Variants in MTFR1 observed in about 807,000 individuals in gnomAD.
MTFR1 encodes mitochondrial fission regulator 1, also known as chondrocyte protein with a poly-proline region.
Under a neutral mutation model 38.8 loss-of-function variants are expected in MTFR1, and 28 were observed. The ratio of observed to expected loss-of-function variants is 0.72; its 90% confidence interval spans 0.53 to 0.99. MTFR1 has a LOEUF of 0.99. Ranked by LOEUF, MTFR1 falls within the 50% of genes least tolerant of loss-of-function variation. MTFR1 has a pLI of 0.00. For synonymous variants in MTFR1, 145 were observed against 137.0 expected, an observed-to-expected ratio of 1.06 and a Z score of -0.41; for missense variants, 358 against 395.5, an observed-to-expected ratio of 0.91 and a Z score of 0.81.
In MTFR1 at chr8:65,704,727, T is replaced by A. The variant is rs1416378398; in HGVS notation, c.315T>A (p.Asp105Glu). Residue 105 changes from aspartate (D) to glutamate (E), a missense_variant, in exon 5 of 8, where the codon GAT becomes GAA. Coordinates refer to ENST00000262146, the MANE Select transcript of MTFR1 (RefSeq NM_014637.4). ...TCAGATCAAGGCCACCCCTTCAGGA[T>A]GACCTTCTTTTCTTTGAGAAGGCCC... ...TEVRSRPPLQDDLLFFEKAPS... is the reference protein window; with the variant it reads ...TEVRSRPPLQEDLLFFEKAPS... The A allele has an allele frequency of 6.2e-7, 1 of 1,614,146 alleles. No individual in the cohort carries two copies. The highest frequency in any genetic ancestry group is 8.5e-7 in the Non-Finnish European group (1 of 1,180,008).
intron 4 of MTFR1, among the ~76,000 whole-genome samples, chr8:65,700,621 A>G (rs1413103406): frequency 2.6e-5 from 4 of 152,296 alleles, no homozygotes; most frequent in Non-Finnish European, 4.4e-5. Flanking sequence ...AGGAGAACGT[A>G]TAGTCTGTGA....
chr8:65,755,149 T>G (rs1032889422), intron 3 of MTFR1, among the ~76,000 whole-genome samples: 1 of 150,624 alleles, frequency 6.6e-6, no homozygotes, highest in African/African-American at 2.4e-5. Context: ...GCCTCCCAAG[T>G]AGCTGGGACT....
intron 2 of MTFR1, chr8:65,719,067 G>A (rs1806265264): frequency 3.6e-6 from 2 of 561,088 alleles, no homozygotes; most frequent in Non-Finnish European, 6.4e-6. Flanking sequence ...GCATATTCAA[G>A]GTTTCACATG....
At chr8:65,649,333 C>T (rs1220314577) in intron 1 of MTFR1, among the ~76,000 whole-genome samples, 1 of 151,980 alleles carries the variant, frequency 6.6e-6, no homozygotes, top group Non-Finnish European at 1.5e-5. Flanking sequence ...TACAGGACCC[C>T]GCCACCACGA....
chr8:65,752,856 T>C (rs1480975344), intron 3 of MTFR1, among the ~76,000 whole-genome samples: 2 of 152,346 alleles, frequency 1.3e-5, no homozygotes, highest in African/African-American at 4.8e-5. Flanking sequence ...TTTGCTTTTC[T>C]CATTTCTATC....
At chr8:65,730,167 A>ACTG (rs1806797375) in intron 3 of MTFR1, among the ~76,000 whole-genome samples, 1 of 29,172 alleles carries the variant, frequency 3.4e-5, no homozygotes, top group Non-Finnish European at 6.7e-5. Flanking sequence ...CAGGTTGCGC[A>ACTG]CTTCTTTTTT....
At chr8:65,744,199 T>C (rs573651409) in intron 3 of MTFR1, among the ~76,000 whole-genome samples, 3 of 151,264 alleles carry the variant, frequency 2.0e-5, no homozygotes, top group African/African-American at 2.4e-5. Flanking sequence ...AAGAGATGCT[T>C]AGTTGTGTTA....
At chr8:65,730,876 T>C (rs997054478) in intron 3 of MTFR1, among the ~76,000 whole-genome samples, 2 of 152,210 alleles carry the variant, frequency 1.3e-5, no homozygotes, top group African/African-American at 4.8e-5. Context: ...TGAGCTAAGA[T>C]TGTGCCACTG....
At chr8:65,746,973 T>C (rs560237905) in intron 3 of MTFR1, among the ~76,000 whole-genome samples, 1 of 152,346 alleles carries the variant, frequency 6.6e-6, no homozygotes, top group South Asian at 2.1e-4. Context: ...AAATTTAATA[T>C]TATTTAAAAT....
At position 65,756,110 on chromosome 8, in the gene MTFR1, G is replaced by T. The variant is rs538798784; in HGVS notation, c.*49-14837G>T. Among the ~76,000 whole-genome samples the T allele has an allele frequency of 2.1e-4, 32 of 152,294 alleles. No homozygotes were observed. The East Asian group carries it at 5.8e-3, about 27-fold the overall frequency. ...AGTTTATTCCCTTCTGGCCACCAAG[G>T]TTCTTAATGAGAAATCAGCTATTAA... On this transcript the variant is annotated intron_variant, in intron 3 of 3. Transcript: ENST00000521247.
chr8:65,686,156 TA>T (rs751767053), intron 3 of MTFR1, among the ~76,000 whole-genome samples: 3 of 152,228 alleles, frequency 2.0e-5, no homozygotes, highest in Non-Finnish European at 4.4e-5. Context: ...TAATTTGGAA[TA>T]TGCTAGCATG....
At chr8:65,744,552 C>T (rs533145901) in intron 3 of MTFR1, among the ~76,000 whole-genome samples, 1 of 152,194 alleles carries the variant, frequency 6.6e-6, no homozygotes, top group Admixed American at 6.5e-5. Context: ...GGGCATTTTC[C>T]CCCAAACCAC....
At chr8:65,668,488 T>C (rs1429790860) in intron 1 of MTFR1, among the ~76,000 whole-genome samples, 1 of 150,552 alleles carries the variant, frequency 6.6e-6, no homozygotes, top group African/African-American at 2.4e-5. Context: ...GCACCCAGCC[T>C]TTAAGGAAGA....
intron 4 of MTFR1, among the ~76,000 whole-genome samples, chr8:65,701,629 T>C (rs1805614285): frequency 1.3e-5 from 2 of 152,202 alleles, no homozygotes; most frequent in South Asian, 4.1e-4. Flanking sequence ...ATGAGGAAGA[T>C]GAACATACTT....
rs149280177 is a variant in MTFR1, at chr8:65,696,912, C to T, written c.281+3153C>T. Among the ~76,000 whole-genome samples the T allele has an allele frequency of 9.4e-3, 1,424 of 150,772 alleles. 24 individuals are homozygous for T. The highest frequency in any genetic ancestry group is 0.033 in the African/African-American group (1,360 of 41,074). Reference sequence around the variant, plus strand: ...CTGACCTCAAGTAATTCATCTGCCTCGGCTTCCCAAAGTGCTGGGATTACA... The same window carrying T: ...CTGACCTCAAGTAATTCATCTGCCTTGGCTTCCCAAAGTGCTGGGATTACA... On this transcript the variant is annotated intron_variant, in intron 4 of 7. Coordinates refer to ENST00000262146, the MANE Select transcript of MTFR1 (RefSeq NM_014637.4).
intron 4 of MTFR1, among the ~76,000 whole-genome samples, chr8:65,701,464 C>T (rs569674872): frequency 2.0e-5 from 3 of 152,242 alleles, no homozygotes; most frequent in Admixed American, 1.3e-4. Context: ...TTAATTTGTT[C>T]ATTCTATATT....
At chr8:65,736,555 C>A (rs562296394) in intron 3 of MTFR1, among the ~76,000 whole-genome samples, 1 of 152,070 alleles carries the variant, frequency 6.6e-6, no homozygotes, top group East Asian at 1.9e-4. Flanking sequence ...GAGTTTGAGA[C>A]CAGCCTAGGC....
intron 3 of MTFR1, among the ~76,000 whole-genome samples, chr8:65,735,208 A>G (rs1435164836): frequency 6.6e-6 from 1 of 152,174 alleles, no homozygotes; most frequent in East Asian, 1.9e-4. Context: ...AAGCGAGCCT[A>G]CCTGTGATGG....
chr8:65,702,745 G>A (rs1805652775), intron 4 of MTFR1, among the ~76,000 whole-genome samples: 1 of 152,058 alleles, frequency 6.6e-6, no homozygotes, highest in East Asian at 1.9e-4. Context: ...CAGATTTTGA[G>A]TTTCCCTTAC....
Sources: allele counts gnomAD v4.1 joint callset (sites outside exome capture counted in the v4.1 genomes callset), GRCh38; gene constraint gnomAD v4.1.1; transcripts MANE v1.5; gene names NCBI Gene and HGNC (gene_info 2026-07-23, HGNC 2026-07-21).